The following IQCJ variants were observed in gnomAD, a reference collection of about 807,000 sequenced individuals.
IQCJ encodes IQ domain-containing protein J.
Under a neutral mutation model 11.0 loss-of-function variants are expected in IQCJ, and 9 were observed. The observed-to-expected ratio is 0.82, with a 90% CI of 0.49 to 1.43. The LOEUF (loss-of-function observed/expected upper bound fraction) is 1.43, where lower values mean the gene tolerates loss of function less well. Among genes scored for constraint, IQCJ ranks in the 40% most tolerant of loss-of-function variants. The probability of loss-of-function intolerance (pLI) is 0.00; values close to 1 mark genes in which losing one functional copy is unlikely to be tolerated. For synonymous variants in IQCJ, 55 were observed against 51.3 expected (o/e 1.07, Z -0.31); for missense variants, 146 against 133.2 (o/e 1.10, Z -0.47).
At chr3:159,239,873 C>T (rs191988410) in intron 1 of IQCJ, among the ~76,000 whole-genome samples, 9 of 152,118 alleles carry the variant, frequency 5.9e-5, no homozygotes, top group African/African-American at 1.4e-4. Context: ...AGCCCAGGAG[C>T]AATAGGCTGT....
chr3:159,146,895 A>G (rs1720953433), intron 1 of IQCJ, among the ~76,000 whole-genome samples: 1 of 152,218 alleles, frequency 6.6e-6, no homozygotes, highest in South Asian at 2.1e-4. Context: ...CAGCTTCCTA[A>G]GACTTCATTA....
At chr3:159,101,148 C>T (rs539057699) in intron 1 of IQCJ, among the ~76,000 whole-genome samples, 1 of 145,450 alleles carries the variant, frequency 6.9e-6, no homozygotes, top group Admixed American at 6.9e-5. Flanking sequence ...GCGTCCGTCA[C>T]CCCTTTCTTT....
intron 3 of IQCJ, among the ~76,000 whole-genome samples, chr3:159,253,375 A>C (rs1378154480): frequency 6.6e-6 from 1 of 152,202 alleles, no homozygotes; most frequent in Non-Finnish European, 1.5e-5. Flanking sequence ...CAATATTAAC[A>C]AAATGAAACT....
intron 1 of IQCJ, among the ~76,000 whole-genome samples, chr3:159,077,142 A>T (rs1715977385): frequency 6.6e-6 from 1 of 152,150 alleles, no homozygotes; most frequent in Non-Finnish European, 1.5e-5. Context: ...ACTTGTTTTA[A>T]TCCAGTGTCT....
At chr3:159,077,948 T>C (rs1716045730) in intron 1 of IQCJ, among the ~76,000 whole-genome samples, 1 of 152,090 alleles carries the variant, frequency 6.6e-6, no homozygotes, top group Admixed American at 6.6e-5. Context: ...TTGAGCCAAC[T>C]ATCATCTTTA....
intron 1 of IQCJ, among the ~76,000 whole-genome samples, chr3:159,202,791 C>T (rs1369127961): frequency 6.6e-6 from 1 of 152,162 alleles, no homozygotes; most frequent in Non-Finnish European, 1.5e-5. Context: ...GAGTGAGCCA[C>T]CGTGCCCAAC....
At chr3:159,080,807 G>A (rs1042020771) in intron 1 of IQCJ, among the ~76,000 whole-genome samples, 1 of 152,128 alleles carries the variant, frequency 6.6e-6, no homozygotes, top group Admixed American at 6.6e-5. Context: ...CCTGCTTCGG[G>A]AGTCTGTGTT....
intron 1 of IQCJ, among the ~76,000 whole-genome samples, chr3:159,101,323 G>A (rs921577637): frequency 5.9e-5 from 9 of 151,860 alleles, no homozygotes; most frequent in East Asian, 3.9e-4. Context: ...AGAAATCACC[G>A]TCTTCTGCGT....
chr3:159,265,148 G>T, downstream of IQCJ: 2 of 1,372,318 alleles, frequency 1.5e-6, no homozygotes, highest in Non-Finnish European at 2.0e-6. Flanking sequence ...CAGTTTAAAA[G>T]AAAACTTTAT....
chr3:159,120,092 G>C (rs1719272612), intron 1 of IQCJ, among the ~76,000 whole-genome samples: 1 of 152,140 alleles, frequency 6.6e-6, no homozygotes, highest in South Asian at 2.1e-4. Context: ...TCAAAAATTA[G>C]TTAAATCAGT....
intron 1 of IQCJ, among the ~76,000 whole-genome samples, chr3:159,198,127 A>G (rs1337789214): frequency 6.6e-6 from 1 of 152,200 alleles, no homozygotes; most frequent in African/African-American, 2.4e-5. Context: ...ATGAGCCTTT[A>G]TCCTATTAAA....
intron 1 of IQCJ, among the ~76,000 whole-genome samples, chr3:159,204,348 T>C (rs1724526601): frequency 6.6e-6 from 1 of 152,218 alleles, no homozygotes; most frequent in Admixed American, 6.5e-5. Flanking sequence ...GCTATGGCTG[T>C]TTCCTGGTTC....
At chr3:159,191,675 T>C (rs1183747221) in intron 1 of IQCJ, among the ~76,000 whole-genome samples, 1 of 152,206 alleles carries the variant, frequency 6.6e-6, no homozygotes, top group East Asian at 1.9e-4. Flanking sequence ...TGCTTTTATC[T>C]GAGGAGCTAC....
chr3:159,262,402 G>A, intron 3 of IQCJ, 146 bp from the exon 4 acceptor site: 1 of 1,287,796 alleles, frequency 7.8e-7, no homozygotes, highest in Admixed American at 2.8e-5. Context: ...CAGGTCTCCT[G>A]ATTCACTACA....
intron 2 of IQCJ, among the ~76,000 whole-genome samples, chr3:159,246,960 A>C (rs1727310804): frequency 6.6e-6 from 1 of 152,196 alleles, no homozygotes; most frequent in Non-Finnish European, 1.5e-5. Flanking sequence ...TTTGTTAAGA[A>C]GTGAGCCGTG....
chr3:159,254,813 C>A (rs571200275), intron 3 of IQCJ, among the ~76,000 whole-genome samples: 6 of 152,146 alleles, frequency 3.9e-5, no homozygotes, highest in African/African-American at 1.2e-4. Context: ...GAATAGATGG[C>A]GGACACTTTC....
intron 1 of IQCJ, among the ~76,000 whole-genome samples, chr3:159,212,671 C>A (rs2108095481): frequency 6.6e-6 from 1 of 152,286 alleles, no homozygotes; most frequent in Non-Finnish European, 1.5e-5. Flanking sequence ...AGCCCACTGT[C>A]TAGCTGAGTT....
At chr3:159,092,796 ATT>A (rs11345482) in intron 1 of IQCJ, among the ~76,000 whole-genome samples, 20 of 147,162 alleles carry the variant, frequency 1.4e-4, no homozygotes, top group Non-Finnish European at 2.4e-4. Context: ...TGAATTAACT[ATT>A]TTTTTTTTTT....
intron 1 of IQCJ, among the ~76,000 whole-genome samples, chr3:159,187,668 G>C (rs1364316460): frequency 2.0e-5 from 3 of 152,214 alleles, no homozygotes; most frequent in Non-Finnish European, 4.4e-5. Context: ...GACGTTATCA[G>C]GGAAGCTCGA....
Sources: gnomAD v4.1 joint callset for allele counts (sites outside exome capture counted in the v4.1 genomes callset) on GRCh38, gnomAD v4.1.1 for gene constraint, MANE v1.5 for transcripts, NCBI Gene and HGNC (gene_info 2026-07-23, HGNC 2026-07-21) for gene names.